PRR5: variants seen among roughly 807,000 people sequenced by gnomAD.
PRR5 encodes proline rich 5, also known as proline-rich protein 5.
PRR5 carries 25 observed loss-of-function variants against 30.6 expected under a neutral mutation model. That is an observed-to-expected ratio of 0.82 (90% CI 0.60 to 1.14). The LOEUF (loss-of-function observed/expected upper bound fraction) is 1.14. Ranked by LOEUF, PRR5 falls within the 50% of genes most tolerant of loss-of-function variation. The pLI, the probability that PRR5 is intolerant of heterozygous loss-of-function variation, is 0.00. For missense variants in PRR5, 600 were observed against 547.1 expected (o/e 1.10, Z -0.96); for synonymous variants, 286 against 247.1 (o/e 1.16, Z -1.48).
chr22:44,713,736 TAA>T (rs1183612779), intron 1 of PRR5, among the ~76,000 whole-genome samples: 4 of 152,306 alleles, frequency 2.6e-5, no homozygotes, highest in Non-Finnish European at 5.9e-5. Flanking sequence ...CCAGGAAGCC[TAA>T]AAGATTTGCT....
Position 44,723,801 on chromosome 22 carries a change from A to G in PRR5, c.216-1443A>G, listed in dbSNP as rs141332741. On this transcript the variant is annotated intron_variant, in intron 2 of 7. Coordinates refer to ENST00000336985, the MANE Select transcript of PRR5 (RefSeq NM_181333.4). Reference sequence around the variant, plus strand: ...CCCGTTCAGAACATGATCATTTTTCATTGATGTGCTGCACTTCCATCTGTG... The same window carrying G: ...CCCGTTCAGAACATGATCATTTTTCGTTGATGTGCTGCACTTCCATCTGTG... Among the ~76,000 whole-genome samples, 30 of 152,314 alleles carry G rather than the reference A, an allele frequency of 2.0e-4. No individual in the cohort carries two copies. In the East Asian group the frequency reaches 5.8e-3, roughly 29 times the overall value.
chr22:44,669,090 C>G, intron 1 of PRR5, among the ~76,000 whole-genome samples: 2 of 147,696 alleles, frequency 1.4e-5, no homozygotes, highest in Non-Finnish European at 3.0e-5. Flanking sequence ...AGCTCGTTCT[C>G]TCCCAGCCTC....
At chr22:44,734,996 AC>A in intron 6 of PRR5, 30 bp from the exon 7 acceptor site, 3 of 1,587,778 alleles carry the variant, frequency 1.9e-6, no homozygotes, top group Non-Finnish European at 2.6e-6. Flanking sequence ...CGGGTGCATG[AC>A]CCCCTACCCC....
At chr22:44,707,437 C>T (rs960335183) in intron 1 of PRR5, among the ~76,000 whole-genome samples, 4 of 152,324 alleles carry the variant, frequency 2.6e-5, no homozygotes, top group East Asian at 1.9e-4. Context: ...TCAGGCGGCC[C>T]GGTGACCCCT....
intron 1 of PRR5, among the ~76,000 whole-genome samples, chr22:44,711,686 C>A (rs116769553): frequency 2.0e-5 from 3 of 152,164 alleles, no homozygotes; most frequent in Admixed American, 1.3e-4. Flanking sequence ...GTGGCTCCAC[C>A]GTCCGCTGTA....
upstream of PRR5, among the ~76,000 whole-genome samples, chr22:44,676,390 C>CAAAAAAA (rs59016907): frequency 9.5e-4 from 35 of 36,996 alleles, no homozygotes; most frequent in East Asian, 2.9e-3. Flanking sequence ...GACCCTGTCT[C>CAAAAAAA]AAAAAAAAAA....
chr22:44,737,325 G>T lies in PRR5; in HGVS notation c.*78G>T. 6.6e-7 allele frequency: 1 copy of T among 1,510,902 alleles called. No individual in the cohort carries two copies. Among genetic ancestry groups the T allele is most frequent in the Non-Finnish European group, 8.9e-7 (1 of 1,129,858 alleles). 93.6% of individuals were successfully genotyped at this position (1,510,902 alleles called of 1,614,324 possible). On this transcript the variant is annotated 3_prime_UTR_variant, in exon 8 of 8. Coordinates refer to ENST00000336985, the MANE Select transcript of PRR5 (RefSeq NM_181333.4). Reference sequence around the variant, plus strand: ...GTCCATGTGGCGTGTGTGTGAGTGAGACTTTTTTACTGCGTCCCGTCCCGC... The same window carrying T: ...GTCCATGTGGCGTGTGTGTGAGTGATACTTTTTTACTGCGTCCCGTCCCGC...
chr22:44,678,200 G>A (rs1923936309), intron 1 of PRR5, among the ~76,000 whole-genome samples: 1 of 152,076 alleles, frequency 6.6e-6, no homozygotes, highest in Admixed American at 6.6e-5. Flanking sequence ...CTCACCACCT[G>A]CCCGGACATG....
At chr22:44,685,954 T>C (rs1924709551) in intron 1 of PRR5, among the ~76,000 whole-genome samples, 1 of 152,150 alleles carries the variant, frequency 6.6e-6, no homozygotes, top group Admixed American at 6.5e-5. Context: ...ATGCCACACA[T>C]CAGAAGTTCC....
intron 1 of PRR5, among the ~76,000 whole-genome samples, chr22:44,688,314 G>A (rs1924938659): frequency 6.6e-6 from 1 of 152,054 alleles, no homozygotes; most frequent in Non-Finnish European, 1.5e-5. Flanking sequence ...AACCTGGGAG[G>A]CGGAGGTTGC....
chr22:44,709,907 T>C (rs1927896486), intron 1 of PRR5, among the ~76,000 whole-genome samples: 1 of 151,896 alleles, frequency 6.6e-6, no homozygotes, highest in Non-Finnish European at 1.5e-5. Context: ...GGGAACAAAT[T>C]TGAGTTGTTT....
intron 1 of PRR5, among the ~76,000 whole-genome samples, chr22:44,712,215 A>G (rs937511733): frequency 6.6e-6 from 1 of 152,158 alleles, no homozygotes; most frequent in Non-Finnish European, 1.5e-5. Flanking sequence ...ACACGGGACT[A>G]AGGAGCATTC....
chr22:44,702,677 G>C (rs1309865829), intron 1 of PRR5, 69 bp downstream of exon 1: 2 of 1,236,970 alleles, frequency 1.6e-6, no homozygotes, highest in Non-Finnish European at 2.0e-6. Context: ...AGCCGTCCGC[G>C]GGCTAGGGGC....
intron 4 of PRR5, chr22:44,729,406 C>A: frequency 1.0e-6 from 1 of 985,226 alleles, no homozygotes. Context: ...GGAGCCAGCA[C>A]GGAGCCAAGG....
At chr22:44,714,772 C>T in intron 2 of PRR5, 101 bp downstream of exon 2, 1 of 1,453,504 alleles carries the variant, frequency 6.9e-7, no homozygotes, top group Non-Finnish European at 9.4e-7. Context: ...CCAGCCACGC[C>T]TGTGCTTCCT....
rs555051869 is a variant in PRR5, at chr22:44,736,651, G to C, written c.692-121G>C. The stretch of plus-strand genomic sequence containing the variant: ...GGTGGGACCTGCTGAGCCGGGCCCC[G>C]GGTCGGGCCTTCCCTGCAGCTGCCC... On this transcript the variant is annotated intron_variant, in intron 7 of 7. Transcript: ENST00000336985. 9,862 of 1,445,182 alleles carry C rather than the reference G, an allele frequency of 6.8e-3. 61 individuals carry two copies. Among genetic ancestry groups the C allele is most frequent in the Non-Finnish European group, 8.0e-3 (8,819 of 1,100,270 alleles). 89.5% of individuals were successfully genotyped at this position (1,445,182 alleles called of 1,614,324 possible). A position where few individuals can be genotyped will look rare whatever the true frequency, so the allele number is the denominator to read the frequency against.
intron 1 of PRR5, among the ~76,000 whole-genome samples, chr22:44,685,927 G>T (rs912825850): frequency 1.3e-5 from 2 of 152,210 alleles, no homozygotes. Context: ...CTTTCTCCCT[G>T]GGGGAGCACC....
intron 1 of PRR5, among the ~76,000 whole-genome samples, chr22:44,696,399 G>A (rs569514615): frequency 6.6e-6 from 1 of 152,330 alleles, no homozygotes; most frequent in Admixed American, 6.5e-5. Context: ...CCCCAGAAGA[G>A]ACTTTGGAAA....
chr22:44,711,039 C>T (rs776105105), intron 1 of PRR5, among the ~76,000 whole-genome samples: 2 of 152,050 alleles, frequency 1.3e-5, no homozygotes, highest in Non-Finnish European at 2.9e-5. Context: ...AGTTCAGAGT[C>T]CACAGAGGGA....
Sources: gnomAD v4.1 joint callset for allele counts (sites outside exome capture counted in the v4.1 genomes callset) on GRCh38, gnomAD v4.1.1 for gene constraint, MANE v1.5 for transcripts, NCBI Gene and HGNC (gene_info 2026-07-23, HGNC 2026-07-21) for gene names.